PLCE1: variants seen among roughly 807,000 people sequenced by gnomAD.
The protein encoded by PLCE1 is phospholipase C epsilon 1.
A neutral mutation model predicts 242.8 loss-of-function variants in PLCE1; 119 were observed. That is an observed-to-expected ratio of 0.49 (90% CI 0.42 to 0.57). PLCE1 has a LOEUF of 0.57. Ranked by LOEUF, PLCE1 falls within the 20% of genes least tolerant of loss-of-function variation. The pLI, the probability that PLCE1 is intolerant of heterozygous loss-of-function variation, is 0.00. For missense variants in PLCE1, 2,441 were observed against 2,788.8 expected (o/e 0.88, Z 2.81); for synonymous variants, 945 against 1,017.4 (o/e 0.93, Z 1.35).
At chr10:94,054,489 G>A (rs1329536279) in intron 2 of PLCE1, among the ~76,000 whole-genome samples, 2 of 152,300 alleles carry the variant, frequency 1.3e-5, no homozygotes, top group East Asian at 1.9e-4. Context: ...AATAGTTGGA[G>A]GGCAAGATCT....
Position 94,298,693 on chromosome 10 carries a change from C to T in PLCE1, c.5458+24C>T, listed in dbSNP as rs376439609. ...TGGTAAGGGGCCTGCATGCTCACCT[C>T]GCTCCTTTGCATCTTACATTTCAGT... On this transcript the variant is annotated intron_variant, in intron 24 of 32. Coordinates refer to ENST00000371380, the MANE Select transcript of PLCE1 (RefSeq NM_016341.4). This position sits in a 1 kb window ranked among gnomAD's most constrained non-coding sequence, Gnocchi z 5.2. 2.5e-5 allele frequency: 40 copies of T among 1,612,516 alleles called. No individual in the cohort carries two copies. Among genetic ancestry groups the T allele is most frequent in the Non-Finnish European group, 2.9e-5 (34 of 1,178,754 alleles).
At chr10:94,121,537 G>A (rs1434191380) in intron 2 of PLCE1, among the ~76,000 whole-genome samples, 2 of 152,056 alleles carry the variant, frequency 1.3e-5, no homozygotes, top group Admixed American at 6.6e-5. Flanking sequence ...TGACCATTTG[G>A]GTATTCAGGG....
rs568056919 is a variant in PLCE1, at chr10:94,035,391, G to T, written c.1206+3139G>T. On this transcript the variant is annotated intron_variant, in intron 2 of 32. Coordinates refer to ENST00000371380, the MANE Select transcript of PLCE1 (RefSeq NM_016341.4). ...CTGTTTCTTCTGAGCTTGTTCACTGGTCCCCAGCTCAAACCTGCCCTTGTT... is the reference window on the plus strand; with the variant it reads ...CTGTTTCTTCTGAGCTTGTTCACTGTTCCCCAGCTCAAACCTGCCCTTGTT... Among the ~76,000 whole-genome samples the T allele has an allele frequency of 2.0e-5, 3 of 152,046 alleles. No homozygotes were observed. The East Asian group carries it at 5.8e-4, about 29-fold the overall frequency.
At chr10:94,208,194 A>C (rs1331417099) in intron 4 of PLCE1, among the ~76,000 whole-genome samples, 1 of 152,178 alleles carries the variant, frequency 6.6e-6, no homozygotes, top group Non-Finnish European at 1.5e-5. Context: ...CACCAACCTG[A>C]CCAGGTGATC....
At chr10:94,151,354 A>G (rs1184363950) in intron 3 of PLCE1, among the ~76,000 whole-genome samples, 2 of 152,228 alleles carry the variant, frequency 1.3e-5, no homozygotes, top group East Asian at 3.9e-4. Flanking sequence ...GAGAATATAC[A>G]TGAAGGGAAC....
intron 2 of PLCE1, among the ~76,000 whole-genome samples, chr10:94,113,262 AGCT>A (rs2046010208): frequency 9.0e-6 from 1 of 111,638 alleles, no homozygotes; most frequent in African/African-American, 3.3e-5. Context: ...ATCTCAATAA[AGCT>A]GCTGTTAAAA....
intron 29 of PLCE1, among the ~76,000 whole-genome samples, chr10:94,318,415 C>G (rs913298098): frequency 6.6e-6 from 1 of 152,210 alleles, no homozygotes; most frequent in African/African-American, 2.4e-5. Context: ...AAACCTCATA[C>G]TTGTGTATGA....
chr10:94,083,602 C>A (rs1239690498), intron 2 of PLCE1, among the ~76,000 whole-genome samples: 1 of 152,206 alleles, frequency 6.6e-6, no homozygotes, highest in Admixed American at 6.5e-5. Context: ...TAAAGATAGC[C>A]AACAGCAGTT....
Position 94,331,435 on chromosome 10 carries a change from T to C in PLCE1, c.*3492T>C, listed in dbSNP as rs540603746. ...TTCTGGAAAGTTATCAGGGCTTGCT[T>C]ACTGGCCCAATAAAATTGAATTAAC... is the stretch of plus-strand genomic sequence containing the variant. On this transcript the variant is annotated 3_prime_UTR_variant, in exon 33 of 33. Transcript: ENST00000371380. The C allele has an allele frequency of 6.6e-6, 1 of 152,364 alleles. No homozygotes were observed. Among genetic ancestry groups the C allele is most frequent in the East Asian group, 1.9e-4 (1 of 5,188 alleles). The allele number at this position is 152,364 out of a possible 1,614,324, so 9.4% of individuals were successfully genotyped here.
At chr10:94,118,385 A>T (rs1017471670) in intron 2 of PLCE1, among the ~76,000 whole-genome samples, 15 of 152,266 alleles carry the variant, frequency 9.9e-5, no homozygotes, top group African/African-American at 3.6e-4. Context: ...ACCTCTCAGG[A>T]TAATCCTAGC....
At chr10:94,323,939 C>T in intron 30 of PLCE1, among the ~76,000 whole-genome samples, 1 of 152,170 alleles carries the variant, frequency 6.6e-6, no homozygotes, top group Non-Finnish European at 1.5e-5. Context: ...AGAGATAGCC[C>T]AGTGGGACAG....
intron 2 of PLCE1, among the ~76,000 whole-genome samples, chr10:94,073,579 C>T (rs550102360): frequency 1.2e-4 from 19 of 152,138 alleles, no homozygotes; most frequent in Admixed American, 2.6e-4. Context: ...AGAAGCCAAT[C>T]GATCAATTTA....
intron 5 of PLCE1, among the ~76,000 whole-genome samples, chr10:94,233,528 C>T (rs186179164): frequency 8.5e-5 from 13 of 152,314 alleles, no homozygotes; most frequent in South Asian, 4.1e-4. Context: ...ATAACTAACG[C>T]GTCCCATATG....
chr10:94,010,431 T>C (rs1462897078), intron 1 of PLCE1, among the ~76,000 whole-genome samples: 1 of 152,232 alleles, frequency 6.6e-6, no homozygotes, highest in Non-Finnish European at 1.5e-5. Context: ...TACTTGGCTC[T>C]CTTTTAGTCA....
At chr10:94,324,695 A>G (rs1055941050) in intron 31 of PLCE1, 128 bp downstream of exon 31, 113 of 1,013,160 alleles carry the variant, frequency 1.1e-4, no homozygotes, top group Non-Finnish European at 4.6e-5. Flanking sequence ...TTAGGAGAAA[A>G]TTGTTTGGCT....
intron 4 of PLCE1, among the ~76,000 whole-genome samples, chr10:94,218,959 T>C (rs2137044401): frequency 6.8e-6 from 1 of 147,540 alleles, no homozygotes; most frequent in South Asian, 2.1e-4. Flanking sequence ...TAATTAAATA[T>C]AATTAAAATA....
chr10:94,192,313 T>C (rs1478269222), intron 4 of PLCE1, among the ~76,000 whole-genome samples: 4 of 152,162 alleles, frequency 2.6e-5, no homozygotes, highest in Admixed American at 2.6e-4. Flanking sequence ...TAGTACCCAA[T>C]AGGTAGTTTT....
chr10:94,042,792 G>A (rs2061793963), intron 2 of PLCE1, among the ~76,000 whole-genome samples: 2 of 152,148 alleles, frequency 1.3e-5, no homozygotes, highest in African/African-American at 4.8e-5. Context: ...TAATTTAGAA[G>A]TACAGTTAAG....
chr10:94,199,912 G>A (rs1171774581), intron 4 of PLCE1, among the ~76,000 whole-genome samples: 1 of 152,130 alleles, frequency 6.6e-6, no homozygotes, highest in Non-Finnish European at 1.5e-5. Flanking sequence ...GCTCCACTAT[G>A]GTGAGTCTGG....
Sources: gnomAD v4.1 joint callset for allele counts (sites outside exome capture counted in the v4.1 genomes callset) on GRCh38, gnomAD v4.1.1 for gene constraint, Gnocchi (gnomAD v3.1) non-coding constraint, MANE v1.5 for transcripts, NCBI Gene and HGNC (gene_info 2026-07-23, HGNC 2026-07-21) for gene names.